The following PIBF1 variants were observed in gnomAD, a reference collection of about 807,000 sequenced individuals.
The protein encoded by PIBF1 is progesterone immunomodulatory binding factor 1, also known as progesterone-induced-blocking factor 1.
PIBF1 carries 90 observed loss-of-function variants against 112.5 expected under a neutral mutation model. That is an observed-to-expected ratio of 0.80 (90% CI 0.67 to 0.95). The LOEUF (loss-of-function observed/expected upper bound fraction) is 0.95. PIBF1 is among the 40% of genes least tolerant of loss of function. The probability of loss-of-function intolerance (pLI) is 0.00; values close to 1 mark genes in which losing one functional copy is unlikely to be tolerated. For synonymous variants in PIBF1, 301 were observed against 288.6 expected (o/e 1.04, Z -0.44); for missense variants, 915 against 852.3 (o/e 1.07, Z -0.92).
chr13:72,975,514 G>C (rs1312855865), intron 16 of PIBF1, among the ~76,000 whole-genome samples: 2 of 152,180 alleles, frequency 1.3e-5, no homozygotes, highest in African/African-American at 2.4e-5. Context: ...ACGTATCCTA[G>C]AGATGGTGTC....
At chr13:72,952,888 G>GAAA (rs71102891) in intron 14 of PIBF1, among the ~76,000 whole-genome samples, 3 of 141,358 alleles carry the variant, frequency 2.1e-5, no homozygotes, top group African/African-American at 2.6e-5. Flanking sequence ...GTGCCCTTAA[G>GAAA]AAAAAAAAAA....
At chr13:72,994,547 C>T (rs1329729466) in intron 16 of PIBF1, among the ~76,000 whole-genome samples, 2 of 152,104 alleles carry the variant, frequency 1.3e-5, no homozygotes, top group African/African-American at 2.4e-5. Flanking sequence ...CTGCAATAAA[C>T]AATATTTACA....
rs78207848 is a variant in PIBF1 at position 72,797,353 on chromosome 13, C to G, written c.553-554C>G. 9.2e-4 allele frequency among the ~76,000 whole-genome samples: 140 copies of G among 152,218 alleles called. 1 individual carries two copies. The highest frequency in any genetic ancestry group is 1.5e-3 in the Non-Finnish European group (104 of 68,010). On this transcript the variant is annotated intron_variant, in intron 4 of 17. Transcript: ENST00000326291. ...CTCAGGTTGTGAAAGTGGAGCAACACAGGCAATAACTTAAAAATTAAATAT... is the reference window on the plus strand; with the variant it reads ...CTCAGGTTGTGAAAGTGGAGCAACAGAGGCAATAACTTAAAAATTAAATAT...
intron 11 of PIBF1, among the ~76,000 whole-genome samples, chr13:72,901,295 A>G (rs1243732693): frequency 1.3e-5 from 2 of 152,218 alleles, no homozygotes; most frequent in Non-Finnish European, 1.5e-5. Context: ...GCAAGTAAAC[A>G]TGAAAAAATG....
At chr13:72,944,559 A>G (rs2042098476) in intron 14 of PIBF1, among the ~76,000 whole-genome samples, 1 of 152,232 alleles carries the variant, frequency 6.6e-6, no homozygotes, top group Admixed American at 6.5e-5. Context: ...TATCAAATGC[A>G]GAAGTGTATT....
chr13:72,816,124 T>C (rs1465269273), intron 5 of PIBF1, among the ~76,000 whole-genome samples: 1 of 152,202 alleles, frequency 6.6e-6, no homozygotes, highest in Non-Finnish European at 1.5e-5. Flanking sequence ...ACCCATTAGC[T>C]AGTGGGTGAT....
At chr13:72,795,163 A>G (rs1465952154) in intron 3 of PIBF1, among the ~76,000 whole-genome samples, 196 bp from the exon 4 acceptor site, 1 of 152,208 alleles carries the variant, frequency 6.6e-6, no homozygotes, top group Non-Finnish European at 1.5e-5. Flanking sequence ...ATGGTTACAC[A>G]TTTAATAATT....
chr13:72,972,594 G>A (rs543271251), intron 15 of PIBF1, among the ~76,000 whole-genome samples: 2 of 151,712 alleles, frequency 1.3e-5, no homozygotes, highest in Admixed American at 1.3e-4. Flanking sequence ...AACCCAGGAG[G>A]CAGAGGTTGC....
At chr13:72,904,429 A>ATTTTTTTTTTTTTTTTTTT (rs1240090172) in intron 11 of PIBF1, among the ~76,000 whole-genome samples, 7 of 51,086 alleles carry the variant, frequency 1.4e-4, no homozygotes, top group African/African-American at 3.4e-4. Context: ...ATATCAAAAT[A>ATTTTTTTTTTTTTTTTTTT]TTTCTTTTTT....
intron 10 of PIBF1, among the ~76,000 whole-genome samples, chr13:72,887,111 GTAATTGCTCCCC>G (rs2039889092): frequency 1.4e-5 from 2 of 147,066 alleles, no homozygotes. Flanking sequence ...TTGAACTAAT[GTAATTGCTCCCC>G]TAATTTTCAT....
intron 17 of PIBF1, among the ~76,000 whole-genome samples, chr13:73,004,501 AAAAG>A (rs1408123828): frequency 5.0e-5 from 7 of 138,912 alleles, no homozygotes; most frequent in African/African-American, 7.8e-5. Flanking sequence ...AAAAAAAAAA[AAAAG>A]AAAGAAAAGA....
chr13:72,981,855 C>G (rs2043165675), intron 16 of PIBF1, among the ~76,000 whole-genome samples: 1 of 152,136 alleles, frequency 6.6e-6, no homozygotes, highest in South Asian at 2.1e-4. Context: ...ACTGGCATTA[C>G]CTTTATATTC....
chr13:72,868,282 C>T (rs1409907544), intron 10 of PIBF1, among the ~76,000 whole-genome samples: 1 of 142,822 alleles, frequency 7.0e-6, no homozygotes, highest in African/African-American at 2.6e-5. Flanking sequence ...GCCTGAGCAA[C>T]AGAATAAAAC....
chr13:72,801,686 A>G (rs937908812), intron 5 of PIBF1, among the ~76,000 whole-genome samples: 1 of 152,204 alleles, frequency 6.6e-6, no homozygotes, highest in East Asian at 1.9e-4. Context: ...GTATGATGCT[A>G]ATCATCCCCA....
At chr13:72,832,331 C>T (rs953885252) in intron 8 of PIBF1, among the ~76,000 whole-genome samples, 2 of 151,740 alleles carry the variant, frequency 1.3e-5, no homozygotes, top group African/African-American at 2.4e-5. Context: ...TTGTATTGCC[C>T]GTTAGTTGAT....
At chr13:72,929,601 G>A (rs961427394) in intron 13 of PIBF1, among the ~76,000 whole-genome samples, 2 of 151,934 alleles carry the variant, frequency 1.3e-5, no homozygotes, top group Non-Finnish European at 2.9e-5. Flanking sequence ...AAAAATCATT[G>A]AATTGTACAC....
intron 10 of PIBF1, among the ~76,000 whole-genome samples, chr13:72,877,628 A>ATTG (rs2039461383): frequency 6.6e-6 from 1 of 152,044 alleles, no homozygotes; most frequent in Non-Finnish European, 1.5e-5. Context: ...CTTTCAAGGA[A>ATTG]TTGGTCCATT....
At chr13:72,896,248 G>A (rs1202274768) in intron 11 of PIBF1, among the ~76,000 whole-genome samples, 2 of 152,108 alleles carry the variant, frequency 1.3e-5, no homozygotes, top group East Asian at 1.9e-4. Flanking sequence ...CACAGGAAAA[G>A]GGGTAGGGTA....
intron 14 of PIBF1, among the ~76,000 whole-genome samples, chr13:72,948,711 G>C (rs983006469): frequency 2.6e-5 from 4 of 152,200 alleles, no homozygotes; most frequent in African/African-American, 9.7e-5. Context: ...GATCCACAGA[G>C]CTGGGGAGGC....
Sources: gnomAD v4.1 joint callset for allele counts (sites outside exome capture counted in the v4.1 genomes callset) on GRCh38, gnomAD v4.1.1 for gene constraint, MANE v1.5 for transcripts, NCBI Gene and HGNC (gene_info 2026-07-23, HGNC 2026-07-21) for gene names.